Variants in MCM3 observed in about 807,000 individuals in gnomAD.
MCM3 encodes DNA replication licensing factor MCM3.
MCM3 carries 59 observed loss-of-function variants against 91.3 expected under a neutral mutation model. That is an observed-to-expected ratio of 0.65 (90% CI 0.52 to 0.80). The LOEUF is 0.80. MCM3 is among the 30% of genes least tolerant of loss of function. MCM3 has a pLI of 0.00. For missense variants in MCM3, 919 were observed against 1,035.4 expected, an observed-to-expected ratio of 0.89 and a Z score of 1.54; for synonymous variants, 383 against 379.6, an observed-to-expected ratio of 1.01 and a Z score of -0.10.
rs755026489 is a variant in MCM3 at position 52,278,724 on chromosome 6, T to C, written c.879+18A>G. ...AGAAATCCATTCCCACCCTCAAATT[T>C]CTAAAGGATGCCCAGACCTTGGATC... On this transcript the variant is annotated intron_variant, in intron 6 of 16. Transcript: ENST00000596288. The C allele has an allele frequency of 5.1e-6, 8 of 1,575,250 alleles. No individual in the cohort carries two copies. Among genetic ancestry groups the C allele is most frequent in the Non-Finnish European group, 7.0e-6 (8 of 1,147,738 alleles).
In MCM3 at chr6:52,266,066, C is replaced by G; in HGVS notation, c.2228+9G>C. The G allele has an allele frequency of 5.6e-6, 9 of 1,613,150 alleles. No homozygotes were observed. The highest frequency in any genetic ancestry group is 1.1e-5 in the South Asian group (1 of 91,038). ...TTCTTGAAGGGGCAGGAGCAACATC[C>G]GTACTCACCTGGATTCACTCAACTC... On this transcript the variant is annotated intron_variant, in intron 16 of 16. Coordinates refer to ENST00000596288, the MANE Select transcript of MCM3 (RefSeq NM_002388.6).
Position 52,264,679 on chromosome 6 carries a change from G to T in MCM3, c.2336C>A (p.Pro779His). Residue 779 changes from proline (P) to histidine (H), a missense_variant, in exon 17 of 17, where the codon CCC becomes CAC. Coordinates refer to ENST00000596288, the MANE Select transcript of MCM3 (RefSeq NM_002388.6). ...TESINRDSEE[P>H]FSSVEIQAAL... ...AGCCTGGATCTCAACTGAAGAGAAG[G>T]GCTCTTCGCTGTCCCGGTTGATGGA... 6.2e-7 allele frequency: 1 copy of T among 1,614,132 alleles called. No individual in the cohort carries two copies. Among genetic ancestry groups the T allele is most frequent in the Non-Finnish European group, 8.5e-7 (1 of 1,180,024 alleles).
At chr6:52,283,186 A>T in intron 2 of MCM3, 108 bp downstream of exon 2, 1 of 878,422 alleles carries the variant, frequency 1.1e-6, no homozygotes, top group Non-Finnish European at 1.8e-6. Flanking sequence ...GAGGGCTTGT[A>T]GATCAATCCT....
intron 13 of MCM3, among the ~76,000 whole-genome samples, chr6:52,268,425 G>A (rs1764817418): frequency 6.6e-6 from 1 of 152,016 alleles, no homozygotes; most frequent in Non-Finnish European, 1.5e-5. Context: ...AGCAAAAAGT[G>A]AGGACGAGTT....
intron 13 of MCM3, among the ~76,000 whole-genome samples, 181 bp from the exon 14 acceptor site, chr6:52,268,149 C>A (rs1764798340): frequency 6.6e-6 from 1 of 152,216 alleles, no homozygotes; most frequent in African/African-American, 2.4e-5. Flanking sequence ...TGCTACCCAT[C>A]TTTTCAAAAT....
chr6:52,275,702 A>C (rs1216346068), intron 9 of MCM3, among the ~76,000 whole-genome samples: 1 of 152,254 alleles, frequency 6.6e-6, no homozygotes, highest in Non-Finnish European at 1.5e-5. Context: ...AGTTAAATAC[A>C]TCCCTGTGAC....
At chr6:52,273,951 C>T (rs1255275025) in intron 9 of MCM3, 35 bp from the exon 10 acceptor site, 7 of 1,538,104 alleles carry the variant, frequency 4.6e-6, no homozygotes, top group African/African-American at 4.1e-5. Context: ...GTGGACATGA[C>T]ATCAATAGGA....
In MCM3 at chr6:52,277,054, C is replaced by G. The variant is rs374840213; in HGVS notation, c.1165+13G>C. 3.7e-6 allele frequency: 6 copies of G among 1,612,118 alleles called. No individual in the cohort carries two copies. The African/African-American group carries it at 8.0e-5, about 22-fold the overall frequency. On this transcript the variant is annotated intron_variant, in intron 8 of 16. Coordinates refer to ENST00000596288, the MANE Select transcript of MCM3 (RefSeq NM_002388.6). ...CTCTGCTGGGCCTTTGCCAAGGACC[C>G]TTACACCCTTACCTGTTTCCTGGTC...
chr6:52,277,193 G>A lies in MCM3; in HGVS notation c.1039C>T (p.Pro347Ser). Residue 347 changes from proline to serine, a missense_variant, in exon 8 of 17, where the codon CCA becomes TCA. Physicochemically the swap from Pro to Ser is moderately conservative, Grantham distance 74 (BLOSUM62 -1). Coordinates refer to ENST00000596288, the MANE Select transcript of MCM3 (RefSeq NM_002388.6). ...GDINILLIGD[P>S]SVAKSQLLRY... ...AGAAGCTGAGACTTGGCAACGGATG[G>A]GTCTCCTGTAGGGTGGGGGCAGTGA... 1 of 1,612,750 alleles carries A rather than the reference G, an allele frequency of 6.2e-7. No homozygotes were observed. Among genetic ancestry groups the A allele is most frequent in the South Asian group, 1.1e-5 (1 of 90,990 alleles).
chr6:52,284,712 G>C lies in MCM3; in HGVS notation c.-38C>G, dbSNP rs201433040. The C allele has an allele frequency of 9.5e-6, 15 of 1,586,118 alleles. No homozygotes were observed. In the African/African-American group the frequency reaches 1.6e-4, roughly 17 times the overall value. On this transcript the variant is annotated 5_prime_UTR_variant, in exon 1 of 17. Transcript: ENST00000596288. ...AGAACTACCTCCACCAAAGTCGCGT[G>C]GAGGTTCCCAGGATGACTCCACCCC... is the stretch of plus-strand genomic sequence containing the variant.
intron 8 of MCM3, 106 bp downstream of exon 8, chr6:52,276,961 C>T: frequency 1.5e-6 from 2 of 1,375,652 alleles, no homozygotes; most frequent in Non-Finnish European, 2.0e-6. Flanking sequence ...ATAATCTGGA[C>T]CCAACTAACC....
rs1291433115 is a variant in MCM3 at position 52,276,073 on chromosome 6, C to G, written c.1374+195G>C. 3 of 585,470 alleles carry G rather than the reference C, an allele frequency of 5.1e-6. No homozygotes were observed. The African/African-American group carries it at 5.6e-5, about 11-fold the overall frequency. 36.3% of individuals were successfully genotyped at this position (585,470 alleles called of 1,614,324 possible). A position where few individuals can be genotyped will look rare whatever the true frequency, so the allele number is the denominator to read the frequency against. The stretch of plus-strand genomic sequence containing the variant: ...TAAAAAGTTACTTTTAAATAAGGAA[C>G]TTTCCAGGGGATTCTGCTGTGCAGG... On this transcript the variant is annotated intron_variant, in intron 9 of 16. Transcript: ENST00000596288.
intron 9 of MCM3, 107 bp downstream of exon 9, chr6:52,276,161 C>G: frequency 3.0e-6 from 3 of 1,012,728 alleles, no homozygotes; most frequent in Non-Finnish European, 4.4e-6. Context: ...TACTTTTAGT[C>G]TTTGGCCTAT....
chr6:52,274,532 A>T lies in MCM3; in HGVS notation c.1375-616T>A, dbSNP rs111551624. On this transcript the variant is annotated intron_variant, in intron 9 of 16. Transcript: ENST00000596288. ...TGTCCCTATAAAAACTTAAAAAGAA[A>T]AAAAAATTTGCCAGGCATGGTGGTA... 4.8e-3 allele frequency among the ~76,000 whole-genome samples: 732 copies of T among 152,106 alleles called. 4 individuals carry two copies. Among genetic ancestry groups the T allele is most frequent in the African/African-American group, 0.017 (697 of 41,470 alleles).
At chr6:52,270,789 G>A (rs1428679843) in intron 12 of MCM3, among the ~76,000 whole-genome samples, 1 of 152,184 alleles carries the variant, frequency 6.6e-6, no homozygotes, top group Non-Finnish European at 1.5e-5. Context: ...TGTTTAATGA[G>A]GAAGACAGGC....
At chr6:52,279,085 GT>G (rs1765835957) in intron 5 of MCM3, among the ~76,000 whole-genome samples, 1 of 152,218 alleles carries the variant, frequency 6.6e-6, no homozygotes, top group Non-Finnish European at 1.5e-5. Flanking sequence ...ACAGAACTGT[GT>G]ATGGGGACGA....
chr6:52,283,244 G>T (rs1461731474), intron 2 of MCM3, 50 bp downstream of exon 2: 1 of 1,482,014 alleles, frequency 6.7e-7, no homozygotes, highest in Non-Finnish European at 9.4e-7. Context: ...CTGGCCAAGA[G>T]GGAAGGGAGC....
At chr6:52,273,107 G>T in intron 11 of MCM3, 123 bp downstream of exon 11, 1 of 1,126,686 alleles carries the variant, frequency 8.9e-7, no homozygotes, top group Non-Finnish European at 1.3e-6. Flanking sequence ...AATCCACGTG[G>T]TTATGACTCC....
intron 8 of MCM3, 132 bp from the exon 9 acceptor site, chr6:52,276,608 G>T: frequency 1.4e-6 from 1 of 735,772 alleles, no homozygotes; most frequent in Non-Finnish European, 2.2e-6. Flanking sequence ...TTGGCTCCGA[G>T]AAACTTAGAG....
Sources: allele counts gnomAD v4.1 joint callset (sites outside exome capture counted in the v4.1 genomes callset), GRCh38; gene constraint gnomAD v4.1.1; transcripts MANE v1.5; gene names NCBI Gene and HGNC (gene_info 2026-07-23, HGNC 2026-07-21).